Variants in ANKRD30B observed in about 807,000 individuals in gnomAD.
The protein encoded by ANKRD30B is ankyrin repeat domain-containing protein 30B.
In ANKRD30B, 144 loss-of-function variants were observed where a neutral mutation model predicts 202.2. The ratio of observed to expected loss-of-function variants is 0.71; its 90% CI spans 0.62 to 0.82. The LOEUF is 0.82. Ranked by LOEUF, ANKRD30B falls within the 40% of genes least tolerant of loss-of-function variation. The probability of loss-of-function intolerance (pLI) is 0.00; values close to 1 mark genes in which losing one functional copy is unlikely to be tolerated. For synonymous variants in ANKRD30B, 508 were observed against 561.3 expected (o/e 0.91, Z 1.34); for missense variants, 1,487 against 1,669.1 (o/e 0.89, Z 1.90).
Position 14,850,290 on chromosome 18 carries a change from C to A in ANKRD30B, c.3472C>A (p.Leu1158Ile). ...AGAAAAAATTAGACCCGAAGAGCAA[C>A]TTAGGAAAAAGTTAGAAGTGAAACA... is the stretch of plus-strand genomic sequence containing the variant. ...LKEKIRPEEQ[L>I]RKKLEVKQQL... The change falls in exon 41 of 44, where the codon CTT becomes ATT. Residue 1158 changes from leucine to isoleucine, a missense_variant. Leu to Ile is a conservative substitution (Grantham distance 5). Transcript: ENST00000690538. The A allele has an allele frequency of 6.3e-7, 1 of 1,590,646 alleles. No individual in the cohort carries two copies.
At chr18:14,837,513 T>G in intron 35 of ANKRD30B, 102 bp from the exon 36 acceptor site, 1 of 1,054,322 alleles carries the variant, frequency 9.5e-7, no homozygotes, top group Non-Finnish European at 1.3e-6. Context: ...GCTATTATTT[T>G]TATTTTTGAA....
chr18:14,766,472 C>CAAAAAAAAAAAAAAA (rs1168681924), intron 7 of ANKRD30B, among the ~76,000 whole-genome samples: 12 of 55,588 alleles, frequency 2.2e-4, no homozygotes, highest in Non-Finnish European at 2.5e-4. Flanking sequence ...GACTCCATCT[C>CAAAAAAAAAAAAAAA]AAAAAAAAAA....
intron 7 of ANKRD30B, among the ~76,000 whole-genome samples, chr18:14,767,819 T>C (rs1282765026): frequency 6.6e-6 from 1 of 152,256 alleles, no homozygotes; most frequent in Non-Finnish European, 1.5e-5. Context: ...TTAGAACTTA[T>C]GACTTGCATA....
chr18:14,754,448 A>C (rs540498803), intron 3 of ANKRD30B, among the ~76,000 whole-genome samples: 3 of 152,244 alleles, frequency 2.0e-5, no homozygotes, highest in Admixed American at 6.5e-5. Context: ...ATAATGGTGG[A>C]ATCTGTTGGG....
At chr18:14,855,625 A>T (rs1345485838), downstream of ANKRD30B, among the ~76,000 whole-genome samples, 1 of 149,046 alleles carries the variant, frequency 6.7e-6, no homozygotes, top group African/African-American at 2.5e-5. Flanking sequence ...CACCTACCAG[A>T]TGAAGGGCAG....
the ANKRD30B span, among the ~76,000 whole-genome samples, chr18:14,891,655 G>C: frequency 6.6e-6 from 1 of 151,266 alleles, no homozygotes; most frequent in Non-Finnish European, 1.5e-5. Flanking sequence ...GCCTGAATAG[G>C]CTAGAGAAAA....
At chr18:14,940,613 T>C in the ANKRD30B span, among the ~76,000 whole-genome samples, 1 of 152,146 alleles carries the variant, frequency 6.6e-6, no homozygotes, top group Non-Finnish European at 1.5e-5. Context: ...ACTTAATTGC[T>C]CAAATAATGT....
intron 11 of ANKRD30B, among the ~76,000 whole-genome samples, chr18:14,781,242 C>A (rs1455353533): frequency 2.0e-5 from 3 of 151,878 alleles, no homozygotes; most frequent in Non-Finnish European, 4.4e-5. Flanking sequence ...TTATTTTAAG[C>A]CCTTGTTTAC....
At chr18:14,929,547 C>A in the ANKRD30B span, among the ~76,000 whole-genome samples, 2 of 152,132 alleles carry the variant, frequency 1.3e-5, no homozygotes, top group Non-Finnish European at 2.9e-5. Flanking sequence ...TCAAAGAGAT[C>A]CCAGAGGACA....
intron 42 of ANKRD30B, chr18:14,852,697 T>A (rs1446614089): frequency 8.7e-6 from 2 of 229,720 alleles, no homozygotes; most frequent in Non-Finnish European, 1.7e-5. Flanking sequence ...ACTGCTGAAA[T>A]AAAGGTTTTA....
At chr18:14,750,134 A>C (rs1197484353) in intron 1 of ANKRD30B, among the ~76,000 whole-genome samples, 2 of 152,148 alleles carry the variant, frequency 1.3e-5, no homozygotes, top group African/African-American at 4.8e-5. Context: ...ATGAGAAAAA[A>C]TAAAAGGCAG....
At chr18:14,775,054 G>A (rs1967269035) in intron 9 of ANKRD30B, among the ~76,000 whole-genome samples, 1 of 152,216 alleles carries the variant, frequency 6.6e-6, no homozygotes, top group Non-Finnish European at 1.5e-5. Context: ...ATGAACCTGG[G>A]AGGTGGAGCT....
At chr18:14,789,398 G>T (rs899222255) in intron 15 of ANKRD30B, among the ~76,000 whole-genome samples, 4 of 152,084 alleles carry the variant, frequency 2.6e-5, no homozygotes, top group African/African-American at 7.2e-5. Context: ...AGTTTAATGA[G>T]ATCCCATTTG....
intron 3 of ANKRD30B, among the ~76,000 whole-genome samples, chr18:14,754,459 G>T (rs1334057065): frequency 1.3e-5 from 2 of 152,100 alleles, no homozygotes; most frequent in Non-Finnish European, 2.9e-5. Flanking sequence ...ATCTGTTGGG[G>T]TACAGTGCTT....
the ANKRD30B span, among the ~76,000 whole-genome samples, chr18:14,861,137 G>C: frequency 6.6e-6 from 1 of 152,132 alleles, no homozygotes; most frequent in Non-Finnish European, 1.5e-5. Context: ...AGTTTGGCTC[G>C]TGAAAATAAA....
chr18:14,878,057 G>C, the ANKRD30B span: 1 of 152,222 alleles, frequency 6.6e-6, no homozygotes, highest in African/African-American at 2.4e-5. Context: ...CAGCAAAAGT[G>C]GAGGTTGCCA....
the ANKRD30B span, among the ~76,000 whole-genome samples, chr18:14,923,374 T>C: frequency 6.6e-6 from 1 of 152,264 alleles, no homozygotes; most frequent in Admixed American, 6.5e-5. Context: ...CTGGCAGTAC[T>C]CCCTGTGTGC....
the ANKRD30B span, among the ~76,000 whole-genome samples, chr18:14,908,753 A>C: frequency 5.9e-5 from 9 of 152,140 alleles, no homozygotes; most frequent in African/African-American, 2.2e-4. Context: ...TGGAGGGGCC[A>C]ATGCTGGGAG....
chr18:14,785,192 C>G (rs139325633), intron 14 of ANKRD30B, among the ~76,000 whole-genome samples: 1 of 152,188 alleles, frequency 6.6e-6, no homozygotes, highest in Non-Finnish European at 1.5e-5. Context: ...CACTAACCTA[C>G]TTTTTAAAAC....
Sources: gnomAD v4.1 joint callset for allele counts (sites outside exome capture counted in the v4.1 genomes callset) on GRCh38, gnomAD v4.1.1 for gene constraint, MANE v1.5 for transcripts, NCBI Gene and HGNC (gene_info 2026-07-23, HGNC 2026-07-21) for gene names.